PEAK1: variants seen among roughly 807,000 people sequenced by gnomAD.
PEAK1 encodes inactive tyrosine-protein kinase PEAK1.
A neutral mutation model predicts 124.7 loss-of-function variants in PEAK1; 54 were observed. The ratio of observed to expected loss-of-function variants is 0.43; its 90% CI spans 0.35 to 0.54. The LOEUF (loss-of-function observed/expected upper bound fraction) is 0.54. PEAK1 is among the 20% of genes least tolerant of loss of function. The pLI is 0.01. For missense variants in PEAK1, 2,046 were observed against 2,134.5 expected, an observed-to-expected ratio of 0.96 and a Z score of 0.82; for synonymous variants, 719 against 760.0, an observed-to-expected ratio of 0.95 and a Z score of 0.89.
At chr15:77,370,453 G>A (rs1274726052) in intron 1 of PEAK1, among the ~76,000 whole-genome samples, 1 of 152,180 alleles carries the variant, frequency 6.6e-6, no homozygotes, top group Non-Finnish European at 1.5e-5. Context: ...TAAGATATGA[G>A]AAAGAGCAGA....
intron 5 of PEAK1, among the ~76,000 whole-genome samples, chr15:77,262,997 A>G: frequency 6.6e-6 from 1 of 152,134 alleles, no homozygotes. Context: ...CTGCTCCTGA[A>G]TGACTACTGG....
At chr15:77,261,812 T>G (rs1296335899) in intron 5 of PEAK1, among the ~76,000 whole-genome samples, 1 of 152,054 alleles carries the variant, frequency 6.6e-6, no homozygotes, top group Non-Finnish European at 1.5e-5. Flanking sequence ...AATTGTCAGA[T>G]TCACCAAAGT....
intron 2 of PEAK1, chr15:77,333,159 T>C (rs1004792444): frequency 3.1e-6 from 3 of 953,018 alleles, no homozygotes; most frequent in Non-Finnish European, 2.5e-6. Flanking sequence ...TATTTATTTA[T>C]TTATTTATAG....
intron 2 of PEAK1, chr15:77,352,356 T>C (rs2067259435): frequency 1.0e-6 from 1 of 985,122 alleles, no homozygotes; most frequent in Non-Finnish European, 1.2e-6. Context: ...ACTTTCTATC[T>C]ACCTGAAACC....
At chr15:77,165,522 G>A (rs918238577) in intron 7 of PEAK1, among the ~76,000 whole-genome samples, 2 of 152,056 alleles carry the variant, frequency 1.3e-5, no homozygotes, top group African/African-American at 2.4e-5. Flanking sequence ...CTGGGGCCCC[G>A]GACTTTTTTT....
intron 5 of PEAK1, among the ~76,000 whole-genome samples, chr15:77,269,486 T>C (rs2061917781): frequency 6.6e-6 from 1 of 152,138 alleles, no homozygotes; most frequent in Non-Finnish European, 1.5e-5. Flanking sequence ...TACATACATA[T>C]GCACCTAACA....
chr15:77,167,224 A>G (rs1295294123), intron 7 of PEAK1, among the ~76,000 whole-genome samples: 1 of 152,246 alleles, frequency 6.6e-6, no homozygotes, highest in Non-Finnish European at 1.5e-5. Context: ...TGAGAAATTC[A>G]TAATGAACTA....
chr15:77,181,886 G>A lies in PEAK1; in HGVS notation c.41C>T (p.Pro14Leu). ...CNTFTEHVWK[P>L]GECKNCFKPK... Reference sequence around the variant, plus strand: ...TTTAAAGCAATTCTTGCATTCACCAGGTTTCCAAACATGTTCAGTAAAGGT... The same window carrying A: ...TTTAAAGCAATTCTTGCATTCACCAAGTTTCCAAACATGTTCAGTAAAGGT... The change falls in exon 7 of 10, where the codon CCT (proline) becomes CTT (leucine). Residue 14 changes from proline to leucine, a missense_variant. Transcript: ENST00000682557. The A allele has an allele frequency of 6.3e-7, 1 of 1,599,352 alleles. No individual in the cohort carries two copies. Among genetic ancestry groups the A allele is most frequent in the Non-Finnish European group, 8.5e-7 (1 of 1,171,166 alleles).
intron 5 of PEAK1, among the ~76,000 whole-genome samples, chr15:77,283,041 T>C (rs1351297493): frequency 6.6e-6 from 1 of 152,092 alleles, no homozygotes; most frequent in Non-Finnish European, 1.5e-5. Context: ...TGTGATGGCA[T>C]GAAAATGGGT....
chr15:77,107,268 G>C (rs1032091971), downstream of PEAK1: 3 of 152,316 alleles, frequency 2.0e-5, no homozygotes, highest in African/African-American at 7.2e-5. Flanking sequence ...GTGTCCCTGG[G>C]GATTGTCTGG....
chr15:77,236,308 A>C (rs560028360), intron 6 of PEAK1, among the ~76,000 whole-genome samples: 1 of 152,238 alleles, frequency 6.6e-6, no homozygotes, highest in Non-Finnish European at 1.5e-5. Flanking sequence ...AGGACTACCC[A>C]AGGCCATGGG....
At chr15:77,145,491 G>A (rs1186975629) in intron 8 of PEAK1, among the ~76,000 whole-genome samples, 2 of 151,890 alleles carry the variant, frequency 1.3e-5, no homozygotes, top group Non-Finnish European at 2.9e-5. Flanking sequence ...CCTATATCAT[G>A]TTCTGGAAAG....
chr15:77,171,801 G>C (rs1014425491), intron 7 of PEAK1, among the ~76,000 whole-genome samples: 2 of 152,036 alleles, frequency 1.3e-5, no homozygotes, highest in African/African-American at 4.8e-5. Flanking sequence ...ATAATTAAGT[G>C]CATTATGTAT....
chr15:77,223,330 C>G (rs2059472300), intron 6 of PEAK1, among the ~76,000 whole-genome samples: 2 of 152,002 alleles, frequency 1.3e-5, no homozygotes, highest in Non-Finnish European at 2.9e-5. Flanking sequence ...CTCATAGCTT[C>G]CACCCAAGTA....
At chr15:77,178,075 C>A (rs2152815427) in intron 7 of PEAK1, 1 of 152,066 alleles carries the variant, frequency 6.6e-6, no homozygotes, top group African/African-American at 2.4e-5. Context: ...TTATTATATA[C>A]CTTGCACAGA....
At chr15:77,251,106 A>T (rs1299382358) in intron 6 of PEAK1, among the ~76,000 whole-genome samples, 1 of 152,174 alleles carries the variant, frequency 6.6e-6, no homozygotes, top group Non-Finnish European at 1.5e-5. Flanking sequence ...GACTCAAGCA[A>T]ATGATTATCT....
chr15:77,134,669 C>T (rs927279909), intron 8 of PEAK1, among the ~76,000 whole-genome samples: 2 of 152,048 alleles, frequency 1.3e-5, no homozygotes, highest in African/African-American at 4.8e-5. Flanking sequence ...TTTTTAAAGA[C>T]AGAAAAATAT....
chr15:77,394,718 C>G (rs1454758355), intron 1 of PEAK1, among the ~76,000 whole-genome samples: 1 of 152,224 alleles, frequency 6.6e-6, no homozygotes, highest in Non-Finnish European at 1.5e-5. Context: ...ATACCTAACA[C>G]TTCAATGACC....
intron 2 of PEAK1, chr15:77,349,039 T>C (rs1368456280): frequency 1.1e-6 from 1 of 922,624 alleles, no homozygotes; most frequent in Non-Finnish European, 1.3e-6. Context: ...ATTCAGTCAA[T>C]AATTTTTTTT....
Sources: allele counts gnomAD v4.1 joint callset (sites outside exome capture counted in the v4.1 genomes callset), GRCh38; gene constraint gnomAD v4.1.1; transcripts MANE v1.5; gene names NCBI Gene and HGNC (gene_info 2026-07-23, HGNC 2026-07-21).